Variants in ABHD16A observed in about 807,000 individuals in gnomAD.
The protein encoded by ABHD16A is abhydrolase domain containing 16A, phospholipase.
Under a neutral mutation model 89.8 loss-of-function variants are expected in ABHD16A, and 47 were observed. The ratio of observed to expected loss-of-function variants is 0.52; its 90% CI spans 0.41 to 0.67. The LOEUF (loss-of-function observed/expected upper bound fraction) is 0.67. Ranked by LOEUF, ABHD16A falls within the 30% of genes least tolerant of loss-of-function variation. The pLI is 0.00. For synonymous variants in ABHD16A, 251 were observed against 280.4 expected (o/e 0.90, Z 1.05); for missense variants, 580 against 734.6 (o/e 0.79, Z 2.43).
At position 31,688,417 on chromosome 6, in the gene ABHD16A, G is replaced by A; in HGVS notation, c.1251-112C>T. ...CTTACCCTCCCCTTGCTATAGCACA[G>A]CCCTTGACCTAGCCCTTCACTCAGG... On this transcript the variant is annotated intron_variant, in intron 14 of 19. Coordinates refer to ENST00000395952, the MANE Select transcript of ABHD16A (RefSeq NM_021160.3). This position sits in a 1 kb window ranked among gnomAD's most constrained non-coding sequence, Gnocchi z 4.9. 8.9e-7 allele frequency: 1 copy of A among 1,118,178 alleles called. No homozygotes were observed. The highest frequency in any genetic ancestry group is 1.3e-5 in the South Asian group (1 of 75,150). 69.3% of individuals were successfully genotyped at this position (1,118,178 alleles called of 1,614,324 possible).
At position 31,693,106 on chromosome 6, in the gene ABHD16A, G is replaced by A. The variant is rs1478398552; in HGVS notation, c.547C>T (p.Leu183Phe). The change falls in exon 7 of 20, where the codon CTT becomes TTT. Residue 183 changes from leucine (L) to phenylalanine (F), a missense_variant. Leu to Phe is a conservative substitution (Grantham distance 22, BLOSUM62 0). This residue lies in a region of ABHD16A where 415 missense variants were observed against 568.8 expected (regional missense o/e 0.73). Transcript: ENST00000395952. The surrounding 1 kb of genome is among the most constrained non-coding windows in gnomAD (Gnocchi z 5.0). The stretch of plus-strand genomic sequence containing the variant: ...CCCCGGTGCAGGGGCTCTGGGCGAA[G>A]CAGGGCCACACCCCGGCGGGAAGGG... Reference protein sequence around the residue: ...GGPSRRGVALLRPEPLHRGTA... With the variant: ...GGPSRRGVALFRPEPLHRGTA... 6.2e-7 allele frequency: 1 copy of A among 1,614,026 alleles called. No individual in the cohort carries two copies. Among genetic ancestry groups the A allele is most frequent in the East Asian group, 2.2e-5 (1 of 44,894 alleles).
In ABHD16A at chr6:31,698,747, G is replaced by A. The variant is rs780907612; in HGVS notation, c.344-1714C>T. 3.3e-5 allele frequency among the ~76,000 whole-genome samples: 5 copies of A among 152,058 alleles called. No homozygotes were observed. Among genetic ancestry groups the A allele is most frequent in the African/African-American group, 4.8e-5 (2 of 41,398 alleles). ...GCTACTTTTAGACAGGGTGGTCAGG[G>A]AAGGCCTCTCTGAGGAGAGAGCCCA... On this transcript the variant is annotated intron_variant, in intron 4 of 19. Transcript: ENST00000395952. This position sits in a 1 kb window ranked among gnomAD's most constrained non-coding sequence, Gnocchi z 4.1.
chr6:31,697,352 T>C (rs1804497279), intron 4 of ABHD16A, among the ~76,000 whole-genome samples: 1 of 152,224 alleles, frequency 6.6e-6, no homozygotes, highest in Non-Finnish European at 1.5e-5. Flanking sequence ...AATGACACTA[T>C]TAAACACTAT....
At position 31,703,300 on chromosome 6, in the gene ABHD16A, T is replaced by G; in HGVS notation, c.-19A>C. 1.5e-6 allele frequency: 2 copies of G among 1,341,292 alleles called. No homozygotes were observed. The highest frequency in any genetic ancestry group is 9.7e-7 in the Non-Finnish European group (1 of 1,034,566). The allele number at this position is 1,341,292 out of a possible 1,614,324, so 83.1% of individuals were successfully genotyped here. On this transcript the variant is annotated 5_prime_UTR_variant, in exon 1 of 20. Coordinates refer to ENST00000395952, the MANE Select transcript of ABHD16A (RefSeq NM_021160.3). ...TCGCCATGGCCCCGGCTCGGGCCGC[T>G]GCTCTTCCAGCAGCAGGTCCCCCTG...
Position 31,687,655 on chromosome 6 carries a change from G to T in ABHD16A, c.1533C>A (p.Phe511Leu). Residue 511 changes from phenylalanine (F) to leucine (L), a missense_variant, in exon 18 of 20, where the codon TTC becomes TTA. This residue lies in a region of ABHD16A where 415 missense variants were observed against 568.8 expected (regional missense o/e 0.73). Coordinates refer to ENST00000395952, the MANE Select transcript of ABHD16A (RefSeq NM_021160.3). The surrounding 1 kb of genome is among the most constrained non-coding windows in gnomAD (Gnocchi z 6.3). ...RSYQAEHGPD[F>L]PWSVGEDMSA... ...GGAGCTCCTTACCCACGCTCCAGGG[G>T]AAGTCGGGCCCGTGTTCTGCCTGGT... is the stretch of plus-strand genomic sequence containing the variant. The T allele has an allele frequency of 6.2e-7, 1 of 1,612,902 alleles. No homozygotes were observed.
chr6:31,702,323 A>G (rs907885668), intron 1 of ABHD16A, among the ~76,000 whole-genome samples, 193 bp from the exon 2 acceptor site: 1 of 152,168 alleles, frequency 6.6e-6, no homozygotes, highest in African/African-American at 2.4e-5. Flanking sequence ...GACCATGGGA[A>G]CAAACACAGG....
chr6:31,701,556 T>A (rs1294920549), intron 2 of ABHD16A, among the ~76,000 whole-genome samples: 2 of 152,192 alleles, frequency 1.3e-5, no homozygotes, highest in Admixed American at 1.3e-4. Context: ...CAGGCTCTAT[T>A]TTCTTCCTCT....
chr6:31,696,922 G>A, intron 5 of ABHD16A, 26 bp downstream of exon 5: 1 of 1,596,612 alleles, frequency 6.3e-7, no homozygotes, highest in Non-Finnish European at 8.6e-7. Context: ...GGGTGCCTGT[G>A]TGGCACTTTT....
At chr6:31,696,149 G>A (rs1804368983) in intron 5 of ABHD16A, among the ~76,000 whole-genome samples, 1 of 148,006 alleles carries the variant, frequency 6.8e-6, no homozygotes, top group Non-Finnish European at 1.5e-5. Flanking sequence ...GGGCGACAGA[G>A]TGAGACTCCG....
intron 4 of ABHD16A, among the ~76,000 whole-genome samples, chr6:31,699,179 G>A (rs1349143346): frequency 1.3e-5 from 2 of 151,856 alleles, no homozygotes; most frequent in African/African-American, 4.8e-5. Flanking sequence ...GGCCGAGGCG[G>A]GTGGATCACG....
chr6:31,699,542 A>G (rs184522955), intron 4 of ABHD16A, among the ~76,000 whole-genome samples: 1 of 149,274 alleles, frequency 6.7e-6, no homozygotes, highest in African/African-American at 2.6e-5. Context: ...AGCTTCTTCT[A>G]TTTAACACAA....
At chr6:31,696,633 CAAAAAAAAAAAAA>C (rs1261140930) in intron 5 of ABHD16A, among the ~76,000 whole-genome samples, 1 of 103,388 alleles carries the variant, frequency 9.7e-6, no homozygotes, top group Non-Finnish European at 2.0e-5. Flanking sequence ...AACTCCATCT[CAAAAAAAAAAAAA>C]GAAAAAGAAA....
intron 7 of ABHD16A, 59 bp downstream of exon 7, chr6:31,692,968 G>T (rs1395543334): frequency 3.1e-6 from 5 of 1,613,430 alleles, no homozygotes; most frequent in Non-Finnish European, 3.4e-6. Flanking sequence ...CCCACTCCCA[G>T]AGCACTCCTG....
intron 8 of ABHD16A, 53 bp downstream of exon 8, chr6:31,691,751 G>A: frequency 6.5e-7 from 1 of 1,538,182 alleles, no homozygotes; most frequent in South Asian, 1.2e-5. Flanking sequence ...GGGCGGGGTG[G>A]GTGGGGGTGA....
At chr6:31,696,278 CTG>C (rs1179211025) in intron 5 of ABHD16A, among the ~76,000 whole-genome samples, 1 of 150,906 alleles carries the variant, frequency 6.6e-6, no homozygotes, top group Non-Finnish European at 1.5e-5. Flanking sequence ...TTGTAGTAAA[CTG>C]AGATTGTACC....
intron 11 of ABHD16A, 146 bp downstream of exon 11, chr6:31,689,932 G>A: frequency 8.8e-7 from 1 of 1,139,548 alleles, no homozygotes. Context: ...GGCTCCCAAT[G>A]CTGCCTTCAC....
chr6:31,687,909 GA>G lies in ABHD16A; in HGVS notation c.1371-10del, dbSNP rs1562090981. 6.2e-7 allele frequency: 1 copy of G among 1,612,770 alleles called. No homozygotes were observed. The highest frequency in any genetic ancestry group is 1.1e-5 in the South Asian group (1 of 91,064). On this transcript the variant is annotated splice_polypyrimidine_tract_variant and intron_variant, in intron 16 of 19. Coordinates refer to ENST00000395952, the MANE Select transcript of ABHD16A (RefSeq NM_021160.3). This position sits in a 1 kb window ranked among gnomAD's most constrained non-coding sequence, Gnocchi z 6.3. ...CCATCACCCGGGGATACCTACGGAG[GA>G]AGTGCCAGGACAGGTCAGGGCTGAT...
chr6:31,689,469 T>G, intron 12 of ABHD16A, 112 bp downstream of exon 12: 1 of 1,365,402 alleles, frequency 7.3e-7, no homozygotes, highest in Non-Finnish European at 9.7e-7. Context: ...AGATTCTACT[T>G]CCTCTCTCTT....
At chr6:31,692,744 C>CA in intron 7 of ABHD16A, 4 of 300,248 alleles carry the variant, frequency 1.3e-5, no homozygotes, top group Non-Finnish European at 2.6e-5. Flanking sequence ...GTGTCCTCCC[C>CA]ACCCCCACCC....
Sources: gnomAD v4.1 joint callset for allele counts (sites outside exome capture counted in the v4.1 genomes callset) on GRCh38, gnomAD v4.1.1 for gene constraint, gnomAD v4.1.1 regional missense constraint, Gnocchi (gnomAD v3.1) non-coding constraint, MANE v1.5 for transcripts, NCBI Gene and HGNC (gene_info 2026-07-23, HGNC 2026-07-21) for gene names.